The following ACMSD variants were observed in gnomAD, a reference collection of about 807,000 sequenced individuals.
ACMSD encodes aminocarboxymuconate semialdehyde decarboxylase.
A neutral mutation model predicts 45.9 loss-of-function variants in ACMSD; 37 were observed. The ratio of observed to expected loss-of-function variants is 0.81; its 90% CI spans 0.62 to 1.06. The LOEUF (loss-of-function observed/expected upper bound fraction) is 1.06. Among genes scored for constraint, ACMSD ranks in the 50% least tolerant of loss-of-function variants. ACMSD has a pLI of 0.00. For synonymous variants in ACMSD, 138 were observed against 148.8 expected (o/e 0.93, Z 0.53); for missense variants, 434 against 420.9 (o/e 1.03, Z -0.27).
At position 134,863,646 on chromosome 2, in the gene ACMSD, T is replaced by C. The variant is rs1486412029; in HGVS notation, c.486+15T>C. 1 of 1,612,872 alleles carries C rather than the reference T, an allele frequency of 6.2e-7. No individual in the cohort carries two copies. The highest frequency in any genetic ancestry group is 8.5e-7 in the Non-Finnish European group (1 of 1,179,466). ...CTGTCTATGCGGTGAGTAGCGGGGC[T>C]GCTCAGCCAACGCCAGCCGCCCAGT... On this transcript the variant is annotated intron_variant, in intron 5 of 9. Transcript: ENST00000356140.
chr2:134,866,196 A>G (rs1271988494), intron 5 of ACMSD, among the ~76,000 whole-genome samples: 1 of 152,168 alleles, frequency 6.6e-6, no homozygotes, highest in East Asian at 1.9e-4. Context: ...TGGGTGATAA[A>G]ATAATCTGTA....
chr2:134,842,992 G>A (rs576450877), intron 1 of ACMSD, among the ~76,000 whole-genome samples: 36 of 152,254 alleles, frequency 2.4e-4, no homozygotes, highest in African/African-American at 6.7e-4. Context: ...AGGAAGAAGC[G>A]GGAGAAAGCA....
At chr2:134,846,410 T>C (rs1012410777) in intron 2 of ACMSD, among the ~76,000 whole-genome samples, 8 of 152,132 alleles carry the variant, frequency 5.3e-5, no homozygotes, top group Non-Finnish European at 1.0e-4. Flanking sequence ...TTTTTAATTA[T>C]TAATTTTTTT....
intron 2 of ACMSD, among the ~76,000 whole-genome samples, chr2:134,850,139 T>C (rs768898027): frequency 7.3e-5 from 11 of 150,864 alleles, no homozygotes; most frequent in Non-Finnish European, 1.6e-4. Flanking sequence ...TGAAAAAGAT[T>C]GCAAAACAAA....
intron 3 of ACMSD, 37 bp from the exon 4 acceptor site, chr2:134,861,932 T>C: frequency 6.2e-7 from 1 of 1,613,364 alleles, no homozygotes; most frequent in Non-Finnish European, 8.5e-7. Flanking sequence ...AGCCTATTCT[T>C]CTCACCAGCT....
chr2:134,847,944 C>A (rs572363530), intron 2 of ACMSD, among the ~76,000 whole-genome samples: 1 of 152,096 alleles, frequency 6.6e-6, no homozygotes, highest in Non-Finnish European at 1.5e-5. Flanking sequence ...CTCTGCCTCC[C>A]GGGTTCAAGT....
chr2:134,878,518 G>C, intron 8 of ACMSD, among the ~76,000 whole-genome samples: 1 of 152,024 alleles, frequency 6.6e-6, no homozygotes, highest in East Asian at 1.9e-4. Context: ...GTAGAGACAG[G>C]GTTTTGCCAT....
At chr2:134,859,409 G>A (rs368944201) in intron 3 of ACMSD, 52 bp downstream of exon 3, 76 of 1,564,004 alleles carry the variant, frequency 4.9e-5, no homozygotes, top group African/African-American at 1.4e-5. Context: ...AGCAATGTCT[G>A]CCCTTAAAGT....
Position 134,863,518 on chromosome 2 carries a change from G to C in ACMSD, c.373G>C (p.Ala125Pro), listed in dbSNP as rs780542053. 1 of 1,614,250 alleles carries C rather than the reference G, an allele frequency of 6.2e-7. No individual in the cohort carries two copies. The highest frequency in any genetic ancestry group is 8.5e-7 in the Non-Finnish European group (1 of 1,180,046). ...GTTGCCCATGCAGGCCCCTGAGCTGGCGGTCAAGGAGATGGAGCGCTGTGT... is the reference window on the plus strand; with the variant it reads ...GTTGCCCATGCAGGCCCCTGAGCTGCCGGTCAAGGAGATGGAGCGCTGTGT... ...GTLPMQAPELAVKEMERCVKE... is the reference protein window; with the variant it reads ...GTLPMQAPELPVKEMERCVKE... Residue 125 changes from alanine to proline, a missense_variant, in exon 5 of 10, where the codon GCG becomes CCG. Transcript: ENST00000356140.
At chr2:134,878,021 A>G (rs536683875) in intron 8 of ACMSD, among the ~76,000 whole-genome samples, 1 of 152,320 alleles carries the variant, frequency 6.6e-6, no homozygotes, top group East Asian at 1.9e-4. Context: ...ATCCATTTAT[A>G]GCATCACTTT....
intron 8 of ACMSD, among the ~76,000 whole-genome samples, chr2:134,883,027 T>C (rs1349135845): frequency 6.6e-6 from 1 of 152,218 alleles, no homozygotes; most frequent in African/African-American, 2.4e-5. Flanking sequence ...TCCACTGCTT[T>C]ACTGCCTAAT....
intron 2 of ACMSD, among the ~76,000 whole-genome samples, chr2:134,847,395 T>G (rs899977961): frequency 1.4e-5 from 2 of 143,240 alleles, no homozygotes; most frequent in South Asian, 4.5e-4. Flanking sequence ...TTTTTGGGGA[T>G]ACAGATAGAT....
At chr2:134,897,003 A>T (rs1263943526) in intron 8 of ACMSD, among the ~76,000 whole-genome samples, 2 of 151,538 alleles carry the variant, frequency 1.3e-5, no homozygotes, top group Non-Finnish European at 2.9e-5. Flanking sequence ...TGGAGGTGAC[A>T]AAAATCTGTG....
At chr2:134,845,988 A>G (rs1176507324) in intron 2 of ACMSD, among the ~76,000 whole-genome samples, 1 of 152,160 alleles carries the variant, frequency 6.6e-6, no homozygotes, top group Non-Finnish European at 1.5e-5. Context: ...TAATGTGCAG[A>G]GTTAACCCAA....
intron 8 of ACMSD, among the ~76,000 whole-genome samples, chr2:134,895,340 T>C (rs1690060730): frequency 6.9e-6 from 1 of 145,770 alleles, no homozygotes; most frequent in African/African-American, 2.5e-5. Flanking sequence ...ATATATATAA[T>C]ATATATATAA....
At chr2:134,862,160 T>TC (rs1687879136) in intron 4 of ACMSD, 142 bp downstream of exon 4, 1 of 894,758 alleles carries the variant, frequency 1.1e-6, no homozygotes, top group Admixed American at 1.7e-5. Flanking sequence ...ATCAGCAGGG[T>TC]CCCCTCTCAG....
intron 5 of ACMSD, among the ~76,000 whole-genome samples, chr2:134,865,402 G>T (rs1442654141): frequency 6.6e-6 from 1 of 152,172 alleles, no homozygotes; most frequent in African/African-American, 2.4e-5. Context: ...CATTGGATTT[G>T]GGTTTATGAA....
intron 3 of ACMSD, chr2:134,859,665 C>T (rs1473344053): frequency 5.0e-6 from 1 of 200,890 alleles, no homozygotes; most frequent in East Asian, 1.1e-4. Context: ...ATTATAAAAT[C>T]AATTAAAATA....
At position 134,838,750 on chromosome 2, in the gene ACMSD, T is replaced by G. The variant is rs1686648057; in HGVS notation, c.57+11T>G. ...CCAGATCTAAAAAAGGTAATGGTAA[T>G]TAATTTGCTGAATTATTTCTGAAAC... On this transcript the variant is annotated intron_variant, in intron 1 of 9. Transcript: ENST00000356140. 6.3e-7 allele frequency: 1 copy of G among 1,597,600 alleles called. No individual in the cohort carries two copies. Among genetic ancestry groups the G allele is most frequent in the South Asian group, 1.1e-5 (1 of 90,206 alleles).
Sources: gnomAD v4.1 joint callset for allele counts (sites outside exome capture counted in the v4.1 genomes callset) on GRCh38, gnomAD v4.1.1 for gene constraint, MANE v1.5 for transcripts, NCBI Gene and HGNC (gene_info 2026-07-23, HGNC 2026-07-21) for gene names.